Variants in XRRA1 observed in about 807,000 individuals in gnomAD.
XRRA1 encodes the protein X-ray radiation resistance-associated protein 1.
In XRRA1, 69 loss-of-function variants were observed where a neutral mutation model predicts 80.2. The ratio of observed to expected loss-of-function variants is 0.86; its 90% CI spans 0.71 to 1.05. The LOEUF (loss-of-function observed/expected upper bound fraction) is 1.05, where lower values mean the gene tolerates loss of function less well. Among genes scored for constraint, XRRA1 ranks in the 50% least tolerant of loss-of-function variants. The pLI is 0.00. For synonymous variants in XRRA1, 348 were observed against 389.9 expected (o/e 0.89, Z 1.27); for missense variants, 967 against 976.4 (o/e 0.99, Z 0.13).
chr11:74,944,458 G>A (rs1289002830), intron 2 of XRRA1, among the ~76,000 whole-genome samples: 1 of 152,178 alleles, frequency 6.6e-6, no homozygotes, highest in Non-Finnish European at 1.5e-5. Flanking sequence ...CATAACAGAT[G>A]TTATGACATA....
In XRRA1 at chr11:74,842,883, A is replaced by T. The variant is rs1020629209; in HGVS notation, c.*317T>A. The T allele has an allele frequency of 2.8e-6, 1 of 355,638 alleles. No homozygotes were observed. Among genetic ancestry groups the T allele is most frequent in the Non-Finnish European group, 5.1e-6 (1 of 194,826 alleles). The allele number at this position is 355,638 out of a possible 1,614,324, so 22.0% of individuals were successfully genotyped here. The stretch of plus-strand genomic sequence containing the variant: ...AACAAATGTATCCCTGTTGCATCTG[A>T]ACTGGAAAACCATTTTTAGAGGGAA... On this transcript the variant is annotated 3_prime_UTR_variant, in exon 19 of 19. Coordinates refer to ENST00000684022, the MANE Select transcript of XRRA1 (RefSeq NM_001378157.1).
chr11:74,913,101 G>A (rs1938542056), intron 8 of XRRA1, among the ~76,000 whole-genome samples: 1 of 152,132 alleles, frequency 6.6e-6, no homozygotes. Context: ...TACCCTGAAC[G>A]TGTAACTGAA....
intron 10 of XRRA1, among the ~76,000 whole-genome samples, chr11:74,889,635 C>T (rs1160328946): frequency 1.3e-5 from 2 of 152,196 alleles, no homozygotes; most frequent in Non-Finnish European, 2.9e-5. Context: ...CAAGAACCAT[C>T]AGTGTGCTGT....
chr11:74,862,321 G>A, intron 11 of XRRA1, among the ~76,000 whole-genome samples: 1 of 152,184 alleles, frequency 6.6e-6, no homozygotes, highest in East Asian at 1.9e-4. Context: ...GGGTTGGTTT[G>A]GTAAGCAGCT....
At chr11:74,883,356 C>T (rs567028844) in intron 10 of XRRA1, among the ~76,000 whole-genome samples, 29 of 152,300 alleles carry the variant, frequency 1.9e-4, no homozygotes, top group African/African-American at 3.1e-4. Flanking sequence ...GGCAATGCCT[C>T]GCCCTGCCTT....
Position 74,848,384 on chromosome 11 carries a change from A to T in XRRA1, c.1459T>A (p.Ser487Thr), listed in dbSNP as rs1565220377. ...GCCTCTGGCTCTAGCATATCCTTTG[A>T]GGGAGACTTGGTTGTCGTCATGCGC... Reference protein sequence around the residue: ...HPRMTTTKSPSKDMLEPEAEL... With the variant: ...HPRMTTTKSPTKDMLEPEAEL... The change falls in exon 15 of 19, where the codon TCA (serine) becomes ACA (threonine). Residue 487 changes from serine (S) to threonine (T), a missense_variant. Coordinates refer to ENST00000684022, the MANE Select transcript of XRRA1 (RefSeq NM_001378157.1). 6.2e-7 allele frequency: 1 copy of T among 1,613,834 alleles called. No individual in the cohort carries two copies. Among genetic ancestry groups the T allele is most frequent in the Non-Finnish European group, 8.5e-7 (1 of 1,179,836 alleles).
chr11:74,914,790 T>C (rs1230407786), intron 8 of XRRA1, among the ~76,000 whole-genome samples: 1 of 151,716 alleles, frequency 6.6e-6, no homozygotes, highest in African/African-American at 2.4e-5. Flanking sequence ...CAGGATACTA[T>C]GTGATCATGC....
intron 12 of XRRA1, among the ~76,000 whole-genome samples, chr11:74,858,210 A>G (rs1029094915): frequency 2.6e-5 from 4 of 152,224 alleles, no homozygotes; most frequent in Admixed American, 2.0e-4. Flanking sequence ...GGATCAATAA[A>G]AGACATAAAT....
At chr11:74,856,176 T>C (rs1217401084) in intron 12 of XRRA1, among the ~76,000 whole-genome samples, 2 of 152,164 alleles carry the variant, frequency 1.3e-5, no homozygotes, top group African/African-American at 2.4e-5. Flanking sequence ...AACAAACTTA[T>C]TGAGCACCTA....
chr11:74,944,353 C>T (rs551991542), intron 2 of XRRA1, among the ~76,000 whole-genome samples: 23 of 152,270 alleles, frequency 1.5e-4, no homozygotes, highest in Middle Eastern at 3.4e-3. Context: ...CTGCTACACA[C>T]GCACACACAC....
chr11:74,862,983 C>CTGAGGT lies in XRRA1; in HGVS notation c.1036_1041dup (p.Thr346_Ser347dup). On this transcript the variant is annotated inframe_insertion, in exon 11 of 19. Transcript: ENST00000684022. ...AATATAAAGTAGTCAGTTCCTACCT[C>CTGAGGT]TGAGGTTGAAAATCCAGGGTAAGAT... 6.2e-7 allele frequency: 1 copy of CTGAGGT among 1,602,164 alleles called. No homozygotes were observed. The highest frequency in any genetic ancestry group is 8.5e-7 in the Non-Finnish European group (1 of 1,173,970).
At chr11:74,854,599 TTTTGA>T (rs2135683070) in intron 12 of XRRA1, among the ~76,000 whole-genome samples, 1 of 152,328 alleles carries the variant, frequency 6.6e-6, no homozygotes, top group South Asian at 2.1e-4. Flanking sequence ...TTTATCCTTG[TTTTGA>T]TTTTTTTCAA....
chr11:74,867,263 A>G (rs1444586259), intron 10 of XRRA1, among the ~76,000 whole-genome samples: 2 of 152,226 alleles, frequency 1.3e-5, no homozygotes, highest in Non-Finnish European at 2.9e-5. Flanking sequence ...AATTCAGAAT[A>G]TGGATGGGAA....
chr11:74,921,825 G>A (rs2138985531), intron 7 of XRRA1, among the ~76,000 whole-genome samples: 1 of 152,250 alleles, frequency 6.6e-6, no homozygotes, highest in South Asian at 2.1e-4. Flanking sequence ...TATATGCCTA[G>A]CACAGTGCTT....
chr11:74,859,190 C>T lies in XRRA1; in HGVS notation c.1138G>A (p.Glu380Lys). 6.2e-7 allele frequency: 1 copy of T among 1,609,154 alleles called. No individual in the cohort carries two copies. The highest frequency in any genetic ancestry group is 1.1e-5 in the South Asian group (1 of 89,958). The change falls in exon 12 of 19, where the codon GAG becomes AAG. Residue 380 changes from glutamate (E) to lysine (K), a missense_variant. Physicochemically the swap from Glu to Lys is moderately conservative, Grantham distance 56 (BLOSUM62 1). Coordinates refer to ENST00000684022, the MANE Select transcript of XRRA1 (RefSeq NM_001378157.1). ...RNQTLAPPFP[E>K]LRYLSLAYNK... ...TAGGCCAGGCTAAGGTATCTCAGCT[C>T]TGGGAAGGGTGGGGCCAGCGTCTGG...
chr11:74,857,220 C>G (rs11826942), intron 12 of XRRA1, among the ~76,000 whole-genome samples: 3,934 of 152,134 alleles, frequency 0.026, 142 homozygotes, highest in African/African-American at 0.091. Flanking sequence ...CTCTGGCACC[C>G]TAGGAAAAAC....
At chr11:74,929,031 T>C (rs1476366667) in intron 6 of XRRA1, among the ~76,000 whole-genome samples, 2 of 152,204 alleles carry the variant, frequency 1.3e-5, no homozygotes, top group Non-Finnish European at 2.9e-5. Flanking sequence ...CATATACCTA[T>C]TGGCCTTTGT....
intron 10 of XRRA1, among the ~76,000 whole-genome samples, chr11:74,872,793 TGAAG>T (rs890219334): frequency 1.3e-5 from 2 of 152,108 alleles, no homozygotes; most frequent in Non-Finnish European, 2.9e-5. Flanking sequence ...TTCTGAAAAT[TGAAG>T]GAAGGAAGGA....
In XRRA1 at chr11:74,845,082, C is replaced by T. The variant is rs1308607217; in HGVS notation, c.1918G>A (p.Glu640Lys). ...LTAKPDPAFI[E>K]PKGIQKNAQA... ...ATATGCCCTCACATACCCTTTGGCT[C>T]AATGAAGGCTGGATCAGGCTTGGCT... is the stretch of plus-strand genomic sequence containing the variant. The change falls in exon 16 of 19, where the codon GAG (glutamate) becomes AAG (lysine). Residue 640 changes from glutamate to lysine, a missense_variant. Coordinates refer to ENST00000684022, the MANE Select transcript of XRRA1 (RefSeq NM_001378157.1). 1 of 1,613,496 alleles carries T rather than the reference C, an allele frequency of 6.2e-7. No individual in the cohort carries two copies. The highest frequency in any genetic ancestry group is 2.2e-5 in the East Asian group (1 of 44,880).
Sources: allele counts gnomAD v4.1 joint callset (sites outside exome capture counted in the v4.1 genomes callset), GRCh38; gene constraint gnomAD v4.1.1; transcripts MANE v1.5; gene names NCBI Gene and HGNC (gene_info 2026-07-23, HGNC 2026-07-21).